The following SUGCT variants were observed in gnomAD, a reference collection of about 807,000 sequenced individuals.
The protein encoded by SUGCT is succinyl-CoA:glutarate CoA-transferase.
In SUGCT, 41 loss-of-function variants were observed where a neutral mutation model predicts 55.0. The observed-to-expected ratio is 0.74, with a 90% CI of 0.58 to 0.97. SUGCT has a LOEUF of 0.97. SUGCT is among the 50% of genes least tolerant of loss of function. SUGCT has a pLI of 0.00. For synonymous variants in SUGCT, 187 were observed against 200.4 expected, an observed-to-expected ratio of 0.93 and a Z score of 0.56; for missense variants, 568 against 547.8, an observed-to-expected ratio of 1.04 and a Z score of -0.37.
chr7:40,617,210 A>G (rs1358905833), intron 12 of SUGCT, among the ~76,000 whole-genome samples: 1 of 152,208 alleles, frequency 6.6e-6, no homozygotes, highest in East Asian at 1.9e-4. Context: ...TTTAATGTCT[A>G]GCTGAAAACC....
the SUGCT span, among the ~76,000 whole-genome samples, chr7:40,982,835 G>A: frequency 1.3e-5 from 2 of 151,982 alleles, no homozygotes. Context: ...TTTTAGTAGA[G>A]ACAATATTTT....
chr7:40,614,850 A>G (rs1202779650), intron 12 of SUGCT, among the ~76,000 whole-genome samples: 1 of 152,080 alleles, frequency 6.6e-6, no homozygotes, highest in East Asian at 1.9e-4. Context: ...ACCTGAGTTC[A>G]GGAGTTTGAG....
chr7:40,612,923 A>G (rs894780493), intron 12 of SUGCT, among the ~76,000 whole-genome samples: 1 of 152,148 alleles, frequency 6.6e-6, no homozygotes, highest in Non-Finnish European at 1.5e-5. Context: ...ACTTGAGGTT[A>G]GGAGTTCGAG....
At chr7:40,512,486 C>G (rs1048602813) in intron 12 of SUGCT, among the ~76,000 whole-genome samples, 1 of 152,150 alleles carries the variant, frequency 6.6e-6, no homozygotes, top group African/African-American at 2.4e-5. Context: ...ACAGACCTGG[C>G]TTTTTCTTTG....
chr7:40,328,628 T>C (rs564857021), intron 9 of SUGCT, among the ~76,000 whole-genome samples: 43 of 152,274 alleles, frequency 2.8e-4, no homozygotes, highest in African/African-American at 9.6e-4. Context: ...GAAACAGGGA[T>C]TCCACTGCTT....
chr7:41,032,823 G>T, the SUGCT span, among the ~76,000 whole-genome samples: 5 of 152,334 alleles, frequency 3.3e-5, no homozygotes, highest in African/African-American at 9.6e-5. Context: ...AAGTGCAGTG[G>T]TGAGACCTTG....
At chr7:40,357,563 A>G (rs1207200479) in intron 9 of SUGCT, among the ~76,000 whole-genome samples, 2 of 152,196 alleles carry the variant, frequency 1.3e-5, no homozygotes, top group African/African-American at 2.4e-5. Context: ...CTCGGTCACA[A>G]CTACTCACTT....
At chr7:40,726,746 G>A (rs1364727607) in intron 12 of SUGCT, among the ~76,000 whole-genome samples, 2 of 152,124 alleles carry the variant, frequency 1.3e-5, no homozygotes, top group Admixed American at 6.5e-5. Context: ...TTGGCTTACC[G>A]CCACCGTGAG....
chr7:40,634,859 A>G (rs541908560), intron 12 of SUGCT, among the ~76,000 whole-genome samples: 2 of 152,366 alleles, frequency 1.3e-5, no homozygotes, highest in South Asian at 4.1e-4. Flanking sequence ...TTTGAAATTA[A>G]TATGAATGAA....
intron 12 of SUGCT, among the ~76,000 whole-genome samples, chr7:40,615,660 A>G (rs1798968537): frequency 6.6e-6 from 1 of 152,232 alleles, no homozygotes; most frequent in Non-Finnish European, 1.5e-5. Flanking sequence ...AGGTTCTTTC[A>G]GTCATGGAAA....
intron 13 of SUGCT, among the ~76,000 whole-genome samples, chr7:40,839,431 T>A: frequency 6.6e-6 from 1 of 152,162 alleles, no homozygotes; most frequent in Non-Finnish European, 1.5e-5. Flanking sequence ...TTTGAGATCA[T>A]AAAATGAGTT....
intron 12 of SUGCT, among the ~76,000 whole-genome samples, chr7:40,697,813 C>A (rs1430004615): frequency 6.6e-6 from 1 of 152,196 alleles, no homozygotes; most frequent in Non-Finnish European, 1.5e-5. Flanking sequence ...ATGGCTCATA[C>A]TACACCTTAT....
intron 5 of SUGCT, among the ~76,000 whole-genome samples, chr7:40,190,602 ATG>A (rs1785837255): frequency 1.3e-5 from 2 of 152,138 alleles, no homozygotes; most frequent in Non-Finnish European, 1.5e-5. Flanking sequence ...TCTTTGTAAA[ATG>A]TGTAGACGAG....
intron 12 of SUGCT, among the ~76,000 whole-genome samples, chr7:40,591,051 C>A (rs1797691824): frequency 6.6e-6 from 1 of 152,138 alleles, no homozygotes; most frequent in South Asian, 2.1e-4. Context: ...GATCAAGGAG[C>A]AATTTTTATA....
At chr7:40,701,507 C>T (rs548722543) in intron 12 of SUGCT, among the ~76,000 whole-genome samples, 50 of 152,254 alleles carry the variant, frequency 3.3e-4, no homozygotes, top group Admixed American at 2.0e-4. Context: ...TCCCAACAAA[C>T]GATGATATGC....
At chr7:40,257,813 G>A (rs4257922) in intron 7 of SUGCT, among the ~76,000 whole-genome samples, 17,593 of 152,204 alleles carry the variant, frequency 0.12, 1,339 homozygotes, top group Middle Eastern at 0.19. Flanking sequence ...GGTGGAGGTT[G>A]TAGTGAGCCG....
chr7:40,188,520 G>C lies in SUGCT; in HGVS notation c.252G>C (p.Trp84Cys). The C allele has an allele frequency of 1.9e-6, 3 of 1,609,918 alleles. No homozygotes were observed. Among genetic ancestry groups the C allele is most frequent in the South Asian group, 2.2e-5 (2 of 89,904 alleles). Residue 84 changes from tryptophan to cysteine, a missense_variant, in exon 4 of 14, where the codon TGG becomes TGC. Coordinates refer to ENST00000335693, the MANE Select transcript of SUGCT (RefSeq NM_001193313.2). ...RPGAGDDTRTWGPPFVGTEST... is the reference protein window; with the variant it reads ...RPGAGDDTRTCGPPFVGTEST... The stretch of plus-strand genomic sequence containing the variant: ...GAGCTGGTGATGATACACGAACTTG[G>C]GGGCCACCTTTTGTTGGGACAGAAA...
chr7:40,525,987 C>T (rs780282249), intron 12 of SUGCT, among the ~76,000 whole-genome samples: 2 of 152,170 alleles, frequency 1.3e-5, no homozygotes, highest in Non-Finnish European at 2.9e-5. Context: ...GCTGGACTCA[C>T]TCCAGCTCCC....
At chr7:40,473,458 A>C (rs1455511335) in intron 11 of SUGCT, among the ~76,000 whole-genome samples, 1 of 152,132 alleles carries the variant, frequency 6.6e-6, no homozygotes, top group Non-Finnish European at 1.5e-5. Context: ...ATACTCTCTT[A>C]AGTAGCCTTT....
Sources: allele counts gnomAD v4.1 joint callset (sites outside exome capture counted in the v4.1 genomes callset), GRCh38; gene constraint gnomAD v4.1.1; transcripts MANE v1.5; gene names NCBI Gene and HGNC (gene_info 2026-07-23, HGNC 2026-07-21).